The following AARS2 variants were observed in gnomAD, a reference collection of about 807,000 sequenced individuals.
The protein encoded by AARS2 is alanine--tRNA ligase, mitochondrial.
A neutral mutation model predicts 119.7 loss-of-function variants in AARS2; 78 were observed. The observed-to-expected ratio is 0.65, with a 90% CI of 0.54 to 0.79. AARS2 has a LOEUF of 0.79. Among genes scored for constraint, AARS2 ranks in the 30% least tolerant of loss-of-function variants. The pLI is 0.00. For synonymous variants in AARS2, 502 were observed against 526.3 expected (o/e 0.95, Z 0.63); for missense variants, 1,157 against 1,291.3 (o/e 0.90, Z 1.59).
In AARS2 at chr6:44,307,316, C is replaced by G; in HGVS notation, c.973G>C (p.Ala325Pro). 2 of 1,613,798 alleles carry G rather than the reference C, an allele frequency of 1.2e-6. No individual in the cohort carries two copies. The highest frequency in any genetic ancestry group is 1.7e-6 in the Non-Finnish European group (2 of 1,179,880). Residue 325 changes from alanine to proline, a missense_variant, in exon 6 of 22, where the codon GCT becomes CCT. Coordinates refer to ENST00000244571, the MANE Select transcript of AARS2 (RefSeq NM_020745.4). This position sits in a 1 kb window ranked among gnomAD's most constrained non-coding sequence, Gnocchi z 4.4. ...ACACTGAGTGTGCGGATGTGGTCAG[C>G]CACCACGCGGTACGCTGTGTCTGTG... ...GRTDTAYRVV[A>P]DHIRTLSVCI...
In AARS2 at chr6:44,304,658, C is replaced by G; in HGVS notation, c.1739G>C (p.Arg580Pro). 6.2e-7 allele frequency: 1 copy of G among 1,614,200 alleles called. No homozygotes were observed. Among genetic ancestry groups the G allele is most frequent in the Non-Finnish European group, 8.5e-7 (1 of 1,180,054 alleles). ...ATGGAGACTCACCTCTTGCCCTGCC[C>G]GCACCAGGTAGCCACGGTCTGAAGC... ...GQASDRGYLV[R>P]AGQEDVLFPV... Residue 580 changes from arginine to proline, a missense_variant, in exon 12 of 22, where the codon CGG becomes CCG. Arg to Pro is a moderately radical substitution (Grantham distance 103). Coordinates refer to ENST00000244571, the MANE Select transcript of AARS2 (RefSeq NM_020745.4).
At position 44,298,818 on chromosome 6, in the gene AARS2, A is replaced by G. The variant is rs931024617; in HGVS notation, c.*1729T>C. Among the ~76,000 whole-genome samples the G allele has an allele frequency of 7.9e-5, 12 of 152,200 alleles. No individual in the cohort carries two copies. The highest frequency in any genetic ancestry group is 1.3e-4 in the Non-Finnish European group (9 of 68,028). ...TCCCCTGAGGCCCTTTCCTTCATCTAGCAACAGAGATCTAGGAACAAAGGC... is the reference window on the plus strand; with the variant it reads ...TCCCCTGAGGCCCTTTCCTTCATCTGGCAACAGAGATCTAGGAACAAAGGC... On this transcript the variant is annotated 3_prime_UTR_variant, in exon 22 of 22. Coordinates refer to ENST00000244571, the MANE Select transcript of AARS2 (RefSeq NM_020745.4).
At chr6:44,300,837 G>T in intron 21 of AARS2, 126 bp from the exon 22 acceptor site, 1 of 1,238,474 alleles carries the variant, frequency 8.1e-7, no homozygotes, top group Non-Finnish European at 1.1e-6. Context: ...ACATGGTGGG[G>T]CAGTCAGGTG....
rs35562884 is a variant in AARS2 at position 44,299,262 on chromosome 6, CTTTTT to C, written c.*1280_*1284del. ...ATCACCATCTGACACTTTCTCCCTT[CTTTTT>C]TTTAAGACAGGGTCTCACTCTGTTG... On this transcript the variant is annotated 3_prime_UTR_variant, in exon 22 of 22. Coordinates refer to ENST00000244571, the MANE Select transcript of AARS2 (RefSeq NM_020745.4). 4.0e-5 allele frequency among the ~76,000 whole-genome samples: 6 copies of C among 150,862 alleles called. No individual in the cohort carries two copies. Among genetic ancestry groups the C allele is most frequent in the Admixed American group, 3.3e-4 (5 of 15,194 alleles).
chr6:44,303,466 G>T, intron 14 of AARS2, 43 bp from the exon 15 acceptor site: 1 of 1,613,572 alleles, frequency 6.2e-7, no homozygotes. Flanking sequence ...CATGCAGTCA[G>T]CCCCACACCT....
rs757091996 is a variant in AARS2, at chr6:44,305,038, T to C, written c.1579+16A>G. On this transcript the variant is annotated intron_variant, in intron 11 of 21. Transcript: ENST00000244571. The surrounding 1 kb of genome is among the most constrained non-coding windows in gnomAD (Gnocchi z 4.6). Reference sequence around the variant, plus strand: ...CAGGCAAGCTTGTGGCGGCAGGCCTTGGTCCAGGCTCTCACCATAACTTCC... The same window carrying C: ...CAGGCAAGCTTGTGGCGGCAGGCCTCGGTCCAGGCTCTCACCATAACTTCC... 1.2e-6 allele frequency: 2 copies of C among 1,614,112 alleles called. No individual in the cohort carries two copies.
chr6:44,311,483 G>A lies in AARS2; in HGVS notation c.488C>T (p.Pro163Leu), dbSNP rs2153357319. 1.2e-6 allele frequency: 2 copies of A among 1,614,112 alleles called. No individual in the cohort carries two copies. Among genetic ancestry groups the A allele is most frequent in the South Asian group, 1.1e-5 (1 of 91,074 alleles). The change falls in exon 3 of 22, where the codon CCT (proline) becomes CTT (leucine). Residue 163 changes from proline (P) to leucine (L), a missense_variant. Coordinates refer to ENST00000244571, the MANE Select transcript of AARS2 (RefSeq NM_020745.4). ...GTAGGAGATCCAGAGCCTTTCCTCA[G>A]GGATCCCATAGACCTGAGTCAGCAG... The part of the protein sequence containing the change: ...WELLTQVYGI[P>L]EERLWISYFD...
In AARS2 at chr6:44,305,292, G is replaced by A. The variant is rs192949806; in HGVS notation, c.1435-94C>T. 1 of 1,556,814 alleles carries A rather than the reference G, an allele frequency of 6.4e-7. No individual in the cohort carries two copies. Among genetic ancestry groups the A allele is most frequent in the Non-Finnish European group, 8.7e-7 (1 of 1,143,766 alleles). On this transcript the variant is annotated intron_variant, in intron 10 of 21. Coordinates refer to ENST00000244571, the MANE Select transcript of AARS2 (RefSeq NM_020745.4). This position sits in a 1 kb window ranked among gnomAD's most constrained non-coding sequence, Gnocchi z 4.6. ...CGCAGGGCCCTGTCCCTGCCACACA[G>A]CTGTGGACTCTGCAGCCCTTCTGGA...
At chr6:44,309,582 AT>A (rs1786175303) in intron 5 of AARS2, among the ~76,000 whole-genome samples, 1 of 152,168 alleles carries the variant, frequency 6.6e-6, no homozygotes, top group African/African-American at 2.4e-5. Context: ...AGCTACACAC[AT>A]GTGGAAATGC....
At position 44,311,332 on chromosome 6, in the gene AARS2, C is replaced by T. The variant is rs1270646077; in HGVS notation, c.581+58G>A. ...GACTCTGAGGATTGGTGCTGGTAGT[C>T]TCCACTTTCCAGTCCTCCTGACCTC... On this transcript the variant is annotated intron_variant, in intron 3 of 21. Coordinates refer to ENST00000244571, the MANE Select transcript of AARS2 (RefSeq NM_020745.4). 2.5e-6 allele frequency: 4 copies of T among 1,612,816 alleles called. No homozygotes were observed. In the African/African-American group the frequency reaches 5.3e-5, roughly 22 times the overall value.
rs376630345 is a variant in AARS2 at position 44,302,844 on chromosome 6, G to A, written c.2322C>T (p.Gly774=). ...VIIGDRQLSK[G]TTRLLAVTGE... is the part of the protein sequence containing the mutation. ...CAGTGACGGCCAGCAGGCGGGTAGT[G>A]CCCTTGGAAAGCTGGCGGTCCCCGA... The change falls in exon 17 of 22, where the codon GGC becomes GGT. Residue 774 remains glycine (G), a synonymous_variant. Transcript: ENST00000244571. 15 of 1,614,116 alleles carry A rather than the reference G, an allele frequency of 9.3e-6. No individual in the cohort carries two copies. The highest frequency in any genetic ancestry group is 8.9e-5 in the East Asian group (4 of 44,886).
rs533354243 is a variant in AARS2 at position 44,305,909 on chromosome 6, G to A, written c.1301-123C>T. On this transcript the variant is annotated intron_variant, in intron 9 of 21. Transcript: ENST00000244571. This position sits in a 1 kb window ranked among gnomAD's most constrained non-coding sequence, Gnocchi z 4.6. Reference sequence around the variant, plus strand: ...CACCAGATGCCAAACACAAATACCCGCTCCATACTGGGTAGCCTCAGGAGA... The same window carrying A: ...CACCAGATGCCAAACACAAATACCCACTCCATACTGGGTAGCCTCAGGAGA... The A allele has an allele frequency of 2.0e-4, 233 of 1,183,356 alleles. 4 individuals carry two copies. The Admixed American group carries it at 3.6e-3, about 19-fold the overall frequency. The allele number at this position is 1,183,356 out of a possible 1,614,324, so 73.3% of individuals were successfully genotyped here.
chr6:44,306,829 TG>T, intron 7 of AARS2, 93 bp downstream of exon 7: 1 of 1,217,202 alleles, frequency 8.2e-7, no homozygotes, highest in Non-Finnish European at 1.2e-6. Flanking sequence ...TGGGGACCTC[TG>T]GGCACCCAGG....
In AARS2 at chr6:44,305,306, A is replaced by G. The variant is rs1785746633; in HGVS notation, c.1435-108T>C. On this transcript the variant is annotated intron_variant, in intron 10 of 21. Transcript: ENST00000244571. The surrounding 1 kb of genome is among the most constrained non-coding windows in gnomAD (Gnocchi z 4.6). ...CCTGCCACACAGCTGTGGACTCTGC[A>G]GCCCTTCTGGAATAAGAACTCAGGG... 6.6e-7 allele frequency: 1 copy of G among 1,523,968 alleles called. No homozygotes were observed. The highest frequency in any genetic ancestry group is 9.0e-7 in the Non-Finnish European group (1 of 1,116,802). The allele number at this position is 1,523,968 out of a possible 1,614,324, so 94.4% of individuals were successfully genotyped here. A position where few individuals can be genotyped will look rare whatever the true frequency, so the allele number is the denominator to read the frequency against.
Position 44,302,147 on chromosome 6 carries a change from G to C in AARS2, c.2511C>G (p.Pro837=). ...CCAGCAGCTCCCGCCGCTGCCACTGGGGCATCACAGCAGTTTCCACAGCCT... is the reference window on the plus strand; with the variant it reads ...CCAGCAGCTCCCGCCGCTGCCACTGCGGCATCACAGCAGTTTCCACAGCCT... ...LIEAVETAVM[P]QWQRRELLAT... is the part of the protein sequence containing the mutation. The change falls in exon 19 of 22, where the codon CCC becomes CCG. Residue 837 remains proline (P), a synonymous_variant. Coordinates refer to ENST00000244571, the MANE Select transcript of AARS2 (RefSeq NM_020745.4). The C allele has an allele frequency of 1.2e-6, 2 of 1,614,036 alleles. No individual in the cohort carries two copies. Among genetic ancestry groups the C allele is most frequent in the Non-Finnish European group, 1.7e-6 (2 of 1,180,036 alleles).
At chr6:44,300,856 G>T in intron 21 of AARS2, 145 bp from the exon 22 acceptor site, 1 of 1,088,772 alleles carries the variant, frequency 9.2e-7, no homozygotes, top group Non-Finnish European at 1.3e-6. Context: ...TGATGAGCCG[G>T]AGAAGGTTTG....
At chr6:44,310,531 G>GC (rs1327642829) in intron 4 of AARS2, 88 bp from the exon 5 acceptor site, 70 of 1,554,768 alleles carry the variant, frequency 4.5e-5, no homozygotes, top group Non-Finnish European at 5.1e-5. Context: ...AATGGGGGGG[G>GC]GCCCAAGGGA....
At chr6:44,306,241 C>T in intron 9 of AARS2, 39 bp downstream of exon 9, 1 of 1,599,098 alleles carries the variant, frequency 6.3e-7, no homozygotes, top group Non-Finnish European at 8.6e-7. Context: ...TGGTGAGTCT[C>T]AGCGAGCCCC....
intron 5 of AARS2, among the ~76,000 whole-genome samples, chr6:44,308,753 C>G (rs1412975043): frequency 1.3e-5 from 2 of 152,076 alleles, no homozygotes; most frequent in East Asian, 3.9e-4. Context: ...GTGTGTGCCA[C>G]CATGCCTGGC....
Sources: gnomAD v4.1 joint callset for allele counts (sites outside exome capture counted in the v4.1 genomes callset) on GRCh38, gnomAD v4.1.1 for gene constraint, Gnocchi (gnomAD v3.1) non-coding constraint, MANE v1.5 for transcripts, NCBI Gene and HGNC (gene_info 2026-07-23, HGNC 2026-07-21) for gene names.